Variants in RPS3 observed in about 807,000 individuals in gnomAD.
The protein encoded by RPS3 is small ribosomal subunit protein uS3.
Under a neutral mutation model 25.8 loss-of-function variants are expected in RPS3, and 2 were observed. The ratio of observed to expected loss-of-function variants is 0.08; its 90% CI spans 0.03 to 0.24. RPS3 has a LOEUF of 0.24. Among genes scored for constraint, RPS3 ranks in the 10% least tolerant of loss-of-function variants. RPS3 has a pLI of 1.00. For missense variants in RPS3, 107 were observed against 307.1 expected (o/e 0.35, Z 4.87); for synonymous variants, 114 against 114.2 (o/e 1.00, Z 0.01).
downstream of RPS3, among the ~76,000 whole-genome samples, chr11:75,407,145 T>C (rs907346895): frequency 6.6e-6 from 1 of 152,206 alleles, no homozygotes; most frequent in Non-Finnish European, 1.5e-5. Context: ...TTCCTGTCTT[T>C]TTTATTTTTT....
downstream of RPS3, among the ~76,000 whole-genome samples, chr11:75,407,770 C>T (rs181410591): frequency 5.5e-4 from 84 of 152,314 alleles, no homozygotes; most frequent in Admixed American, 1.2e-3. Context: ...CCTGGCCAAA[C>T]ATCTGCAGAT....
chr11:75,404,839 A>G lies in RPS3; in HGVS notation c.706A>G (p.Met236Val), dbSNP rs780895530. 6.2e-7 allele frequency: 1 copy of G among 1,613,208 alleles called. No homozygotes were observed. ...QKGGKPEPPA[M>V]PQPVPTA ...GGGTGGGAAGCCAGAGCCGCCTGCCATGCCCCAGCCAGTCCCCACAGCATA... is the reference window on the plus strand; with the variant it reads ...GGGTGGGAAGCCAGAGCCGCCTGCCGTGCCCCAGCCAGTCCCCACAGCATA... The change falls in exon 6 of 7, where the codon ATG becomes GTG. Residue 236 changes from methionine to valine, a missense_variant. Transcript: ENST00000531188. This position sits in a 1 kb window ranked among gnomAD's most constrained non-coding sequence, Gnocchi z 4.6.
downstream of RPS3, among the ~76,000 whole-genome samples, chr11:75,410,371 TC>T (rs1382061632): frequency 6.7e-6 from 1 of 148,438 alleles, no homozygotes; most frequent in African/African-American, 2.6e-5. Context: ...GCAGAGGTGC[TC>T]CCCACATCTC....
At chr11:75,407,786 G>A (rs1948303947), downstream of RPS3, among the ~76,000 whole-genome samples, 1 of 152,202 alleles carries the variant, frequency 6.6e-6, no homozygotes, top group Non-Finnish European at 1.5e-5. Flanking sequence ...CAGATTAAGT[G>A]CTGGGAATAG....
At position 75,404,254 on chromosome 11, in the gene RPS3, G is replaced by A. The variant is rs893768129; in HGVS notation, c.538+47G>A. The stretch of plus-strand genomic sequence containing the variant: ...GCAAAGGGCATTTGTGGACAGATTT[G>A]GTTTTCCACAGACATCTTAAGTATT... On this transcript the variant is annotated intron_variant, in intron 5 of 6. Transcript: ENST00000531188. This position sits in a 1 kb window ranked among gnomAD's most constrained non-coding sequence, Gnocchi z 4.6. The A allele has an allele frequency of 1.3e-6, 2 of 1,553,102 alleles. No individual in the cohort carries two copies. The highest frequency in any genetic ancestry group is 1.8e-6 in the Non-Finnish European group (2 of 1,132,720).
At chr11:75,400,289 A>G (rs547680278) in intron 1 of RPS3, 40 of 474,194 alleles carry the variant, frequency 8.4e-5, no homozygotes, top group African/African-American at 5.9e-4. Flanking sequence ...TCTACTATCT[A>G]TTCCTTAACA....
At chr11:75,402,491 AACAT>A in intron 4 of RPS3, 45 bp downstream of exon 4, 1 of 1,557,630 alleles carries the variant, frequency 6.4e-7, no homozygotes. Context: ...TGTGTGTATC[AACAT>A]ACATGTCTGC....
At chr11:75,399,801 G>A in intron 1 of RPS3, 2 of 566,018 alleles carry the variant, frequency 3.5e-6, no homozygotes, top group South Asian at 4.4e-5. Context: ...ATGGGCACCA[G>A]GCGCCCCTTC....
chr11:75,410,061 C>A (rs867723139), downstream of RPS3, among the ~76,000 whole-genome samples: 1 of 129,884 alleles, frequency 7.7e-6, no homozygotes. Context: ...GCTGGCCAGG[C>A]GGGGGGCTGA....
chr11:75,416,052 AAAATT>A (rs1378582514), intron 6 of RPS3, among the ~76,000 whole-genome samples: 1 of 152,184 alleles, frequency 6.6e-6, no homozygotes, highest in Non-Finnish European at 1.5e-5. Flanking sequence ...GGCTAAGAGA[AAAATT>A]AAAGAAAACC....
At position 75,405,775 on chromosome 11, in the gene RPS3, C is replaced by T. The variant is rs1592025922; in HGVS notation, c.*165C>T. The stretch of plus-strand genomic sequence containing the variant: ...ACATATCTTCTTGGTTTTAACCATA[C>T]TTGTGGTATTTGCAAGGGCCAGAAC... On this transcript the variant is annotated 3_prime_UTR_variant, in exon 7 of 7. Coordinates refer to ENST00000531188, the MANE Select transcript of RPS3 (RefSeq NM_001005.5). 2.5e-6 allele frequency: 1 copy of T among 394,382 alleles called. No individual in the cohort carries two copies. Among genetic ancestry groups the T allele is most frequent in the Non-Finnish European group, 5.0e-6 (1 of 199,210 alleles). 24.4% of individuals were successfully genotyped at this position (394,382 alleles called of 1,614,324 possible). A position where few individuals can be genotyped will look rare whatever the true frequency, so the allele number is the denominator to read the frequency against.
Position 75,404,554 on chromosome 11 carries a change from TTGTC to T in RPS3, c.539-115_539-112del, listed in dbSNP as rs1948257085. 1.0e-6 allele frequency: 1 copy of T among 965,128 alleles called. No homozygotes were observed. The highest frequency in any genetic ancestry group is 1.7e-6 in the Non-Finnish European group (1 of 588,158). The allele number at this position is 965,128 out of a possible 1,614,324, so 59.8% of individuals were successfully genotyped here. ...TATTTATTGATCGATTTAGAGGCAT[TTGTC>T]TGAGAAGGGTCCAGACCCAGGGGTG... On this transcript the variant is annotated intron_variant, in intron 5 of 6. Coordinates refer to ENST00000531188, the MANE Select transcript of RPS3 (RefSeq NM_001005.5). This position sits in a 1 kb window ranked among gnomAD's most constrained non-coding sequence, Gnocchi z 4.6.
At chr11:75,416,606 G>A (rs1397599271) in intron 6 of RPS3, among the ~76,000 whole-genome samples, 1 of 151,916 alleles carries the variant, frequency 6.6e-6, no homozygotes, top group African/African-American at 2.4e-5. Flanking sequence ...TTACAGGCAT[G>A]CACTAGCACA....
At chr11:75,414,140 A>G (rs1948378668) in intron 6 of RPS3, among the ~76,000 whole-genome samples, 1 of 152,164 alleles carries the variant, frequency 6.6e-6, no homozygotes, top group African/African-American at 2.4e-5. Flanking sequence ...TGGCTTCTAC[A>G]GTGGAAATGA....
intron 6 of RPS3, among the ~76,000 whole-genome samples, chr11:75,421,077 G>A (rs979273626): frequency 1.3e-5 from 2 of 152,100 alleles, no homozygotes; most frequent in Non-Finnish European, 2.9e-5. Context: ...TGTCCTGAGC[G>A]TTCCCCATAG....
intron 6 of RPS3, among the ~76,000 whole-genome samples, chr11:75,414,187 C>T (rs1049239879): frequency 3.9e-5 from 6 of 152,198 alleles, no homozygotes; most frequent in Admixed American, 3.9e-4. Context: ...CCCCTCCCCA[C>T]CAACTAGGCA....
intron 6 of RPS3, among the ~76,000 whole-genome samples, chr11:75,418,404 T>C (rs1048387656): frequency 6.6e-6 from 1 of 152,234 alleles, no homozygotes; most frequent in African/African-American, 2.4e-5. Flanking sequence ...TTTATTTTGG[T>C]TTTTATCCCC....
intron 6 of RPS3, among the ~76,000 whole-genome samples, chr11:75,412,160 T>C (rs972144665): frequency 6.6e-6 from 1 of 152,242 alleles, no homozygotes; most frequent in Admixed American, 6.5e-5. Flanking sequence ...TGCACCCTTG[T>C]GACTGACTCC....
downstream of RPS3, among the ~76,000 whole-genome samples, chr11:75,409,181 AT>A (rs1342021696): frequency 6.4e-5 from 9 of 140,744 alleles, no homozygotes; most frequent in South Asian, 2.2e-4. Flanking sequence ...TATTATTATT[AT>A]TTATTTATTT....
Sources: allele counts gnomAD v4.1 joint callset (sites outside exome capture counted in the v4.1 genomes callset), GRCh38; gene constraint gnomAD v4.1.1; non-coding constraint Gnocchi (gnomAD v3.1); transcripts MANE v1.5; gene names NCBI Gene and HGNC (gene_info 2026-07-23, HGNC 2026-07-21).